DGLUCY: variants seen among roughly 807,000 people sequenced by gnomAD.
DGLUCY encodes D-glutamate cyclase, mitochondrial.
In DGLUCY, 58 loss-of-function variants were observed where a neutral mutation model predicts 58.5. That is an observed-to-expected ratio of 0.99 (90% CI 0.80 to 1.23). The LOEUF (loss-of-function observed/expected upper bound fraction) is 1.23. Ranked by LOEUF, DGLUCY falls within the 50% of genes most tolerant of loss-of-function variation. The pLI, the probability that DGLUCY is intolerant of heterozygous loss-of-function variation, is 0.00. For synonymous variants in DGLUCY, 325 were observed against 314.1 expected, an observed-to-expected ratio of 1.03 and a Z score of -0.37; for missense variants, 779 against 784.7, an observed-to-expected ratio of 0.99 and a Z score of 0.09.
chr14:91,096,701 C>T (rs1223312894), intron 1 of DGLUCY, among the ~76,000 whole-genome samples: 1 of 151,996 alleles, frequency 6.6e-6, no homozygotes. Context: ...CTGGCTTGTT[C>T]CTCCGACTTC....
chr14:91,075,680 A>C (rs2044007762), intron 1 of DGLUCY, among the ~76,000 whole-genome samples: 1 of 152,216 alleles, frequency 6.6e-6, no homozygotes, highest in South Asian at 2.1e-4. Context: ...CCTCTTGACC[A>C]AATGCGTCTT....
At chr14:91,094,863 A>G (rs979324958) in intron 1 of DGLUCY, among the ~76,000 whole-genome samples, 1 of 152,012 alleles carries the variant, frequency 6.6e-6, no homozygotes, top group Admixed American at 6.6e-5. Flanking sequence ...GTGAGAACTC[A>G]AGCCATGATC....
chr14:91,121,431 G>A (rs112850041), intron 1 of DGLUCY, among the ~76,000 whole-genome samples: 3,699 of 152,108 alleles, frequency 0.024, 66 homozygotes, highest in South Asian at 0.041. Context: ...GCTCACGCCT[G>A]TAATCTCAGC....
chr14:91,138,743 C>A (rs899843775), intron 1 of DGLUCY, among the ~76,000 whole-genome samples: 2 of 152,056 alleles, frequency 1.3e-5, no homozygotes, highest in Non-Finnish European at 2.9e-5. Context: ...GAAACTACCC[C>A]CATGGCCCAG....
chr14:91,141,426 A>G (rs2046663905), intron 1 of DGLUCY, among the ~76,000 whole-genome samples: 1 of 152,142 alleles, frequency 6.6e-6, no homozygotes, highest in Non-Finnish European at 1.5e-5. Flanking sequence ...AACATTTACT[A>G]TGTGCCAAAC....
intron 12 of DGLUCY, among the ~76,000 whole-genome samples, chr14:91,212,870 A>G (rs1885898736): frequency 6.6e-6 from 1 of 152,058 alleles, no homozygotes; most frequent in African/African-American, 2.4e-5. Context: ...GCATGGTGGC[A>G]GGTGCCTATA....
chr14:91,129,578 T>A (rs4904750), intron 1 of DGLUCY, among the ~76,000 whole-genome samples: 150,397 of 151,560 alleles, frequency 0.99, 74,636 homozygotes, highest in East Asian at 1. Flanking sequence ...ACTACAAAAT[T>A]AAAAATTAAA....
intron 1 of DGLUCY, among the ~76,000 whole-genome samples, chr14:91,098,725 G>A (rs1278070090): frequency 1.3e-5 from 2 of 152,146 alleles, no homozygotes; most frequent in South Asian, 4.1e-4. Context: ...TTAGAAGGCA[G>A]ACTCGATACT....
At chr14:91,189,249 T>C in intron 9 of DGLUCY, 79 bp downstream of exon 9, 1 of 1,545,822 alleles carries the variant, frequency 6.5e-7, no homozygotes, top group Non-Finnish European at 8.8e-7. Flanking sequence ...GCATCTGCAG[T>C]ACAGAGCATT....
intron 7 of DGLUCY, among the ~76,000 whole-genome samples, chr14:91,176,655 A>G (rs2048871821): frequency 6.6e-6 from 1 of 152,182 alleles, no homozygotes; most frequent in Admixed American, 6.5e-5. Context: ...GCTGGAGTGC[A>G]GTGGCACGAT....
At chr14:91,079,411 G>A (rs1433231468) in intron 1 of DGLUCY, among the ~76,000 whole-genome samples, 1 of 145,346 alleles carries the variant, frequency 6.9e-6, no homozygotes, top group African/African-American at 2.6e-5. Flanking sequence ...CTGGAGTGCC[G>A]TGGTGCAGTC....
At chr14:91,175,320 GGCCTT>G (rs2048795695) in intron 6 of DGLUCY, among the ~76,000 whole-genome samples, 1 of 152,008 alleles carries the variant, frequency 6.6e-6, no homozygotes, top group Non-Finnish European at 1.5e-5. Context: ...TTTGAGACTG[GGCCTT>G]GGTTGAGGGT....
At chr14:91,166,849 C>T (rs1734128545) in intron 3 of DGLUCY, among the ~76,000 whole-genome samples, 1 of 152,102 alleles carries the variant, frequency 6.6e-6, no homozygotes, top group African/African-American at 2.4e-5. Flanking sequence ...GCCTGTAACC[C>T]AGCACTTTGG....
At chr14:91,154,641 A>G (rs1279177676) in intron 1 of DGLUCY, among the ~76,000 whole-genome samples, 1 of 152,140 alleles carries the variant, frequency 6.6e-6, no homozygotes, top group Non-Finnish European at 1.5e-5. Context: ...TGGGGTCTCA[A>G]GATTTATTTT....
chr14:91,066,283 C>A (rs1164569302), intron 1 of DGLUCY, among the ~76,000 whole-genome samples: 10 of 148,970 alleles, frequency 6.7e-5, no homozygotes. Context: ...GAGGCTGAGG[C>A]AGGAGAATCA....
intron 1 of DGLUCY, among the ~76,000 whole-genome samples, chr14:91,101,968 G>C (rs1000771808): frequency 2.6e-5 from 4 of 152,092 alleles, no homozygotes; most frequent in Admixed American, 2.6e-4. Flanking sequence ...GTTGAAATTA[G>C]AGGCGTGAAC....
chr14:91,220,984 TC>T (rs1179909724), intron 13 of DGLUCY, among the ~76,000 whole-genome samples: 5 of 152,176 alleles, frequency 3.3e-5, no homozygotes, highest in Admixed American at 2.6e-4. Flanking sequence ...TTCCTGGACT[TC>T]CCCCACCTCA....
At chr14:91,121,976 G>A (rs2045392517) in intron 1 of DGLUCY, among the ~76,000 whole-genome samples, 1 of 152,102 alleles carries the variant, frequency 6.6e-6, no homozygotes, top group African/African-American at 2.4e-5. Flanking sequence ...TGATGAATAC[G>A]TTTTGAGCAC....
intron 12 of DGLUCY, among the ~76,000 whole-genome samples, chr14:91,210,431 C>CTGAGGCAGGAGGATTGCT (rs1349617183): frequency 3.0e-4 from 45 of 152,132 alleles, no homozygotes. Context: ...TCTCAGGAGG[C>CTGAGGCAGGAGGATTGCT]TGAGGCAGGA....
Sources: allele counts gnomAD v4.1 joint callset (sites outside exome capture counted in the v4.1 genomes callset), GRCh38; gene constraint gnomAD v4.1.1; transcripts MANE v1.5; gene names NCBI Gene and HGNC (gene_info 2026-07-23, HGNC 2026-07-21).